The following INPPL1 variants were observed in gnomAD, a reference collection of about 807,000 sequenced individuals.
INPPL1 encodes phosphatidylinositol 3,4,5-trisphosphate 5-phosphatase 2.
A neutral mutation model predicts 139.3 loss-of-function variants in INPPL1; 91 were observed. That is an observed-to-expected ratio of 0.65 (90% confidence interval 0.55 to 0.78). The LOEUF is 0.78. INPPL1 is among the 30% of genes least tolerant of loss of function. The pLI, the probability that INPPL1 is intolerant of heterozygous loss-of-function variation, is 0.00. For synonymous variants in INPPL1, 719 were observed against 686.6 expected (o/e 1.05, Z -0.74); for missense variants, 1,411 against 1,665.6 (o/e 0.85, Z 2.66).
intron 14 of INPPL1, 70 bp downstream of exon 14, chr11:72,232,406 T>C: frequency 2.1e-6 from 3 of 1,395,536 alleles, no homozygotes; most frequent in Non-Finnish European, 3.0e-6. Flanking sequence ...CCCGCTCCCA[T>C]ACCCTAGCCC....
rs1038944879 is a variant in INPPL1, at chr11:72,234,928, G to C, written c.2416-188G>C. On this transcript the variant is annotated intron_variant, in intron 21 of 27. Coordinates refer to ENST00000298229, the MANE Select transcript of INPPL1 (RefSeq NM_001567.4). The surrounding 1 kb of genome is among the most constrained non-coding windows in gnomAD (Gnocchi z 4.2). ...AATTAATTAGTTACAGTGATGCTAG[G>C]TGCTGTAAAAGGCCTGTATAGGGCT... Among the ~76,000 whole-genome samples, 1 of 152,148 alleles carries C rather than the reference G, an allele frequency of 6.6e-6. No homozygotes were observed. The highest frequency in any genetic ancestry group is 1.9e-4 in the East Asian group (1 of 5,194).
chr11:72,233,323 G>A (rs1182465162), intron 17 of INPPL1, 118 bp from the exon 18 acceptor site: 8 of 1,061,542 alleles, frequency 7.5e-6, no homozygotes, highest in Non-Finnish European at 1.1e-5. Context: ...CAAGAAGGGA[G>A]GTGGGTGCTA....
rs1949050307 is a variant in INPPL1 at position 72,238,112 on chromosome 11, TC to T, written c.3624del (p.Ile1208MetfsTer60). 1 of 1,579,184 alleles carries T rather than the reference TC, an allele frequency of 6.3e-7. No homozygotes were observed. ...EAGMSAWLRA[I>X]GLERYEEGLV... ...GGCATGAGTGCCTGGCTGCGGGCCA[TC>T]GGCTTGGAGCGCTATGAGGAGGGCC... On this transcript the variant is annotated frameshift_variant, in exon 27 of 28. Transcript: ENST00000298229. LOFTEE classifies it high-confidence loss of function.
rs973590495 is a variant in INPPL1 at position 72,232,300 on chromosome 11, A to G, written c.1676A>G (p.Asn559Ser). 1.3e-6 allele frequency: 2 copies of G among 1,554,836 alleles called. No individual in the cohort carries two copies. Among genetic ancestry groups the G allele is most frequent in the Non-Finnish European group, 1.7e-6 (2 of 1,148,532 alleles). ...MFNGTSFGFV[N>S]CHLTSGNEKT... ...AATGGCACCTCATTTGGCTTTGTGAATTGTCACCTCACCTCGGGAAATGAG... is the reference window on the plus strand; with the variant it reads ...AATGGCACCTCATTTGGCTTTGTGAGTTGTCACCTCACCTCGGGAAATGAG... The change falls in exon 14 of 28, where the codon AAT (asparagine) becomes AGT (serine). Residue 559 changes from asparagine to serine, a missense_variant. By Grantham distance (46) the Asn-to-Ser change is conservative. Coordinates refer to ENST00000298229, the MANE Select transcript of INPPL1 (RefSeq NM_001567.4).
At chr11:72,226,073 T>C (rs992529516) in intron 1 of INPPL1, among the ~76,000 whole-genome samples, 4 of 152,070 alleles carry the variant, frequency 2.6e-5, no homozygotes, top group African/African-American at 4.8e-5. Context: ...CTTTCTTAGC[T>C]CTGTGAACCC....
chr11:72,232,271 G>A lies in INPPL1; in HGVS notation c.1647G>A (p.Met549Ile). 1 of 1,557,758 alleles carries A rather than the reference G, an allele frequency of 6.4e-7. No individual in the cohort carries two copies. The highest frequency in any genetic ancestry group is 1.2e-5 in the South Asian group (1 of 84,414). ...GNKGAVGVSF[M>I]FNGTSFGFVN... ...AGGGGGCTGTGGGCGTCTCCTTCAT[G>A]TTTAATGGCACCTCATTTGGCTTTG... is the stretch of plus-strand genomic sequence containing the variant. Residue 549 changes from methionine to isoleucine, a missense_variant, in exon 14 of 28, where the codon ATG becomes ATA. Physicochemically the swap from Met to Ile is conservative, Grantham distance 10 (BLOSUM62 1). Coordinates refer to ENST00000298229, the MANE Select transcript of INPPL1 (RefSeq NM_001567.4).
In INPPL1 at chr11:72,234,724, A is replaced by AGG. The variant is rs1948933625; in HGVS notation, c.2415+110_2415+111insGG. ...GGGAGTGTGGGGCCAGCAGAGAGAG[A>AGG]GAGAGAGAGTGTGTGTGTGTGTGTG... On this transcript the variant is annotated intron_variant, in intron 21 of 27. Transcript: ENST00000298229. This position sits in a 1 kb window ranked among gnomAD's most constrained non-coding sequence, Gnocchi z 4.2. 1 of 694,504 alleles carries AGG rather than the reference A, an allele frequency of 1.4e-6. No individual in the cohort carries two copies. Among genetic ancestry groups the AGG allele is most frequent in the Non-Finnish European group, 2.5e-6 (1 of 401,386 alleles). 43.0% of individuals were successfully genotyped at this position (694,504 alleles called of 1,614,324 possible).
In INPPL1 at chr11:72,234,683, G is replaced by A; in HGVS notation, c.2415+68G>A. On this transcript the variant is annotated intron_variant, in intron 21 of 27. Transcript: ENST00000298229. This position sits in a 1 kb window ranked among gnomAD's most constrained non-coding sequence, Gnocchi z 4.2. Reference sequence around the variant, plus strand: ...GAGAGGGGTACATAAGAGTTTATTGGAGAGCCTGCCTGGGAGGGAGTGTGG... The same window carrying A: ...GAGAGGGGTACATAAGAGTTTATTGAAGAGCCTGCCTGGGAGGGAGTGTGG... 1.8e-6 allele frequency: 2 copies of A among 1,141,082 alleles called. No individual in the cohort carries two copies. The highest frequency in any genetic ancestry group is 1.3e-5 in the South Asian group (1 of 78,354). 70.7% of individuals were successfully genotyped at this position (1,141,082 alleles called of 1,614,324 possible).
Position 72,235,208 on chromosome 11 carries a change from G to C in INPPL1, c.2503+5G>C. ...TGGATGGCTATGAATCCTATGGTGA[G>C]GGGTGAGGGGTGCTGAGGGGAACAG... On this transcript the variant is annotated splice_donor_5th_base_variant and intron_variant, in intron 22 of 27. Transcript: ENST00000298229. This position sits in a 1 kb window ranked among gnomAD's most constrained non-coding sequence, Gnocchi z 4.9. 6.2e-7 allele frequency: 1 copy of C among 1,613,970 alleles called. No individual in the cohort carries two copies. The highest frequency in any genetic ancestry group is 8.5e-7 in the Non-Finnish European group (1 of 1,179,912).
At position 72,235,702 on chromosome 11, in the gene INPPL1, C is replaced by T; in HGVS notation, c.2687C>T (p.Ala896Val). The T allele has an allele frequency of 6.2e-7, 1 of 1,614,122 alleles. No homozygotes were observed. The highest frequency in any genetic ancestry group is 8.5e-7 in the Non-Finnish European group (1 of 1,179,996). Reference protein sequence around the residue: ...YEWISIDKDEAGAKSKAPSVS... With the variant: ...YEWISIDKDEVGAKSKAPSVS... Reference sequence around the variant, plus strand: ...TGGATCAGCATTGATAAGGATGAGGCAGGAGCAAAGAGCAAAGCCCCCTCT... The same window carrying T: ...TGGATCAGCATTGATAAGGATGAGGTAGGAGCAAAGAGCAAAGCCCCCTCT... Residue 896 changes from alanine (A) to valine (V), a missense_variant, in exon 24 of 28, where the codon GCA becomes GTA. By Grantham distance (64) the Ala-to-Val change is moderately conservative (BLOSUM62 0). This residue lies in a region of INPPL1 where 99 missense variants were observed against 171.6 expected (regional missense o/e 0.58). Coordinates refer to ENST00000298229, the MANE Select transcript of INPPL1 (RefSeq NM_001567.4). This position sits in a 1 kb window ranked among gnomAD's most constrained non-coding sequence, Gnocchi z 4.9.
intron 12 of INPPL1, 105 bp from the exon 13 acceptor site, chr11:72,231,393 A>C: frequency 9.6e-7 from 1 of 1,037,402 alleles, no homozygotes; most frequent in South Asian, 1.4e-5. Flanking sequence ...GAGGGGTGGC[A>C]AGCCTTCCTA....
intron 7 of INPPL1, 46 bp downstream of exon 7, chr11:72,229,798 C>T (rs746501297): frequency 1.3e-6 from 2 of 1,580,972 alleles, no homozygotes; most frequent in South Asian, 1.1e-5. Flanking sequence ...TGGCCACTGT[C>T]ATTGGCCTAG....
intron 5 of INPPL1, 36 bp from the exon 6 acceptor site, chr11:72,229,429 G>C (rs543320087): frequency 6.3e-7 from 1 of 1,591,792 alleles, no homozygotes; most frequent in Non-Finnish European, 8.6e-7. Flanking sequence ...TACTTAGGTC[G>C]GGGTGGGAGT....
rs1374277761 is a variant in INPPL1, at chr11:72,238,040, A to G, written c.3553-2A>G. 1.9e-6 allele frequency: 3 copies of G among 1,538,704 alleles called. No homozygotes were observed. Among genetic ancestry groups the G allele is most frequent in the Non-Finnish European group, 2.6e-6 (3 of 1,144,924 alleles). ...TCCCCCTGACATGCCCTGTTTCCTT[A>G]GGCTCCGTGCCTGCAGGGCGGGCGG... On this transcript the variant is annotated splice_acceptor_variant, in intron 26 of 27. Transcript: ENST00000298229. LOFTEE classifies it high-confidence loss of function.
Position 72,230,142 on chromosome 11 carries a change from G to A in INPPL1, c.961G>A (p.Gly321Ser). ...ACAGGTGAAGCTAGATGTGACCCTGGGTGACCTGACCAAGATTGGGAAGTC... is the reference window on the plus strand; with the variant it reads ...ACAGGTGAAGCTAGATGTGACCCTGAGTGACCTGACCAAGATTGGGAAGTC... ...AFEVKLDVTLGDLTKIGKSQK... is the reference protein window; with the variant it reads ...AFEVKLDVTLSDLTKIGKSQK... Residue 321 changes from glycine to serine, a missense_variant, in exon 9 of 28, where the codon GGT becomes AGT. Coordinates refer to ENST00000298229, the MANE Select transcript of INPPL1 (RefSeq NM_001567.4). 1 of 1,610,212 alleles carries A rather than the reference G, an allele frequency of 6.2e-7. No homozygotes were observed. Among genetic ancestry groups the A allele is most frequent in the Non-Finnish European group, 8.5e-7 (1 of 1,177,080 alleles).
At chr11:72,233,403 G>T in intron 17 of INPPL1, 38 bp from the exon 18 acceptor site, 17 of 1,578,722 alleles carry the variant, frequency 1.1e-5, no homozygotes, top group Admixed American at 1.7e-5. Context: ...CAGCCTCCTA[G>T]CTGTCAGCTC....
chr11:72,232,283 C>G lies in INPPL1; in HGVS notation c.1659C>G (p.Thr553=). The G allele has an allele frequency of 6.4e-7, 1 of 1,556,952 alleles. No individual in the cohort carries two copies. ...GCGTCTCCTTCATGTTTAATGGCAC[C>G]TCATTTGGCTTTGTGAATTGTCACC... ...AVGVSFMFNG[T]SFGFVNCHLT... is the part of the protein sequence containing the mutation. Residue 553 remains threonine (T), a synonymous_variant, in exon 14 of 28, where the codon ACC becomes ACG. Coordinates refer to ENST00000298229, the MANE Select transcript of INPPL1 (RefSeq NM_001567.4).
intron 17 of INPPL1, 56 bp downstream of exon 17, chr11:72,233,219 G>C: frequency 1.3e-6 from 2 of 1,516,150 alleles, no homozygotes; most frequent in Non-Finnish European, 1.8e-6. Flanking sequence ...GATGAATCAA[G>C]AATTTGGGTC....
Position 72,233,680 on chromosome 11 carries a change from C to T in INPPL1, c.2148C>T (p.Ser716=), listed in dbSNP as rs145978702. Residue 716 remains serine (S), a synonymous_variant, in exon 19 of 28, where the codon AGC becomes AGT. Transcript: ENST00000298229. ...GTTGCACTGATGACATCGTCACCAGCGACCATTCCCCCGTGTTTGGGACAT... is the reference window on the plus strand; with the variant it reads ...GTTGCACTGATGACATCGTCACCAGTGACCATTCCCCCGTGTTTGGGACAT... ...SYGCTDDIVT[S]DHSPVFGTFE... is the part of the protein sequence containing the mutation. The T allele has an allele frequency of 3.7e-5, 60 of 1,614,032 alleles. No homozygotes were observed. The African/African-American group carries it at 5.7e-4, about 15-fold the overall frequency.
Sources: gnomAD v4.1 joint callset for allele counts (sites outside exome capture counted in the v4.1 genomes callset) on GRCh38, gnomAD v4.1.1 for gene constraint, gnomAD v4.1.1 regional missense constraint, Gnocchi (gnomAD v3.1) non-coding constraint, MANE v1.5 for transcripts, NCBI Gene and HGNC (gene_info 2026-07-23, HGNC 2026-07-21) for gene names.